HS3ST3B1: variants seen among roughly 807,000 people sequenced by gnomAD.
HS3ST3B1 encodes the protein heparan sulfate glucosamine 3-O-sulfotransferase 3B1.
Under a neutral mutation model 21.3 loss-of-function variants are expected in HS3ST3B1, and 13 were observed. The observed-to-expected ratio is 0.61, with a 90% CI of 0.40 to 0.97. The LOEUF is 0.97. HS3ST3B1 is among the 50% of genes least tolerant of loss of function. The pLI, the probability that HS3ST3B1 is intolerant of heterozygous loss-of-function variation, is 0.00. For missense variants in HS3ST3B1, 459 were observed against 554.8 expected (o/e 0.83, Z 1.73); for synonymous variants, 234 against 254.8 (o/e 0.92, Z 0.78).
At chr17:14,325,303 G>A (rs971589786) in intron 1 of HS3ST3B1, among the ~76,000 whole-genome samples, 1 of 152,230 alleles carries the variant, frequency 6.6e-6, no homozygotes, top group Admixed American at 6.5e-5. Flanking sequence ...TATACAATGA[G>A]TGTGTTAAAA....
chr17:14,333,087 G>A (rs1056245723), intron 1 of HS3ST3B1, among the ~76,000 whole-genome samples: 2 of 151,924 alleles, frequency 1.3e-5, no homozygotes, highest in Non-Finnish European at 2.9e-5. Context: ...CCCCAGAGGA[G>A]AAAATGATTG....
chr17:14,338,200 A>G (rs1161843015), intron 1 of HS3ST3B1, among the ~76,000 whole-genome samples: 2 of 151,790 alleles, frequency 1.3e-5, no homozygotes, highest in East Asian at 3.9e-4. Flanking sequence ...ATCTCAGCTC[A>G]CTGCAACCTC....
chr17:14,329,325 GAAAGAA>G lies in HS3ST3B1; in HGVS notation c.555-15701_555-15696del, dbSNP rs1255288950. Reference sequence around the variant, plus strand: ...AGAAAGAGAGAAAGAGAGAAAGAAAGAAAGAAAGAAAGAAAGAAAGAAAGAAAGAAA... The same window carrying G: ...AGAAAGAGAGAAAGAGAGAAAGAAAGAGAAAGAAAGAAAGAAAGAAAGAAA... On this transcript the variant is annotated intron_variant, in intron 1 of 1. Transcript: ENST00000360954. 156 of 98,526 alleles carry G rather than the reference GAAAGAA, an allele frequency of 1.6e-3. 1 individual carries two copies. The highest frequency in any genetic ancestry group is 6.2e-3 in the African/African-American group (148 of 24,042). 6.1% of individuals were successfully genotyped at this position (98,526 alleles called of 1,614,324 possible).
intron 1 of HS3ST3B1, among the ~76,000 whole-genome samples, chr17:14,338,573 G>C (rs757561422): frequency 2.6e-5 from 4 of 151,722 alleles, no homozygotes; most frequent in Non-Finnish European, 5.9e-5. Flanking sequence ...CTCCCAAGTA[G>C]CTGAGATTAC....
rs1480149990 is a variant in HS3ST3B1 at position 14,303,558 on chromosome 17, G to A, written c.554+1486G>A. Among the ~76,000 whole-genome samples the A allele has an allele frequency of 6.6e-6, 1 of 152,156 alleles. No individual in the cohort carries two copies. The highest frequency in any genetic ancestry group is 2.4e-5 in the African/African-American group (1 of 41,418). On this transcript the variant is annotated intron_variant, in intron 1 of 1. Transcript: ENST00000360954. The surrounding 1 kb of genome is among the most constrained non-coding windows in gnomAD (Gnocchi z 5.7). ...AAGAATGGGGTCTCTGGAGTCCGAC[G>A]CCTGGATTCACGTCCTGGCTAGTCG...
intron 1 of HS3ST3B1, among the ~76,000 whole-genome samples, chr17:14,343,367 A>T (rs1387567620): frequency 1.3e-5 from 2 of 152,238 alleles, no homozygotes; most frequent in African/African-American, 4.8e-5. Flanking sequence ...GAAGATTTGA[A>T]ATACACAACA....
chr17:14,340,879 G>A (rs1054311628), intron 1 of HS3ST3B1, among the ~76,000 whole-genome samples: 1 of 152,150 alleles, frequency 6.6e-6, no homozygotes, highest in Admixed American at 6.5e-5. Context: ...CACCAAGCCC[G>A]GCTGAGTAAT....
chr17:14,310,051 C>A (rs1480028883), intron 1 of HS3ST3B1, among the ~76,000 whole-genome samples: 36 of 152,330 alleles, frequency 2.4e-4, no homozygotes, highest in Non-Finnish European at 1.5e-5. Context: ...ATAATGGGTG[C>A]CTGTAAGGCG....
chr17:14,317,764 G>A (rs969254237), intron 1 of HS3ST3B1, among the ~76,000 whole-genome samples: 2 of 152,144 alleles, frequency 1.3e-5, no homozygotes, highest in East Asian at 1.9e-4. Flanking sequence ...ATTAAAGAGA[G>A]GGCTTTTATC....
intron 1 of HS3ST3B1, among the ~76,000 whole-genome samples, chr17:14,313,561 C>T (rs1014530840): frequency 6.6e-6 from 1 of 152,154 alleles, no homozygotes; most frequent in Non-Finnish European, 1.5e-5. Flanking sequence ...CCCAAGACTT[C>T]CCTCCGTCAT....
intron 1 of HS3ST3B1, among the ~76,000 whole-genome samples, chr17:14,331,280 A>G (rs1458850641): frequency 6.6e-6 from 1 of 152,028 alleles, no homozygotes; most frequent in Non-Finnish European, 1.5e-5. Flanking sequence ...ATTAGCTTTT[A>G]ATTGAAACCC....
intron 1 of HS3ST3B1, among the ~76,000 whole-genome samples, chr17:14,339,330 G>T (rs757030169): frequency 3.9e-5 from 6 of 152,150 alleles, no homozygotes; most frequent in Non-Finnish European, 7.3e-5. Context: ...ATTATGATCG[G>T]CAGTGATCTG....
intron 1 of HS3ST3B1, among the ~76,000 whole-genome samples, chr17:14,334,262 T>C (rs1910120531): frequency 7.0e-6 from 1 of 142,008 alleles, no homozygotes. Flanking sequence ...CCAGTGTTTT[T>C]TCATGGTTTT....
At chr17:14,313,297 C>A (rs993059457) in intron 1 of HS3ST3B1, among the ~76,000 whole-genome samples, 2 of 151,468 alleles carry the variant, frequency 1.3e-5, no homozygotes, top group African/African-American at 4.9e-5. Flanking sequence ...CTGATCTGGC[C>A]CACCCCAACT....
At chr17:14,339,325 G>C (rs1254245252) in intron 1 of HS3ST3B1, among the ~76,000 whole-genome samples, 1 of 152,124 alleles carries the variant, frequency 6.6e-6, no homozygotes, top group Non-Finnish European at 1.5e-5. Flanking sequence ...GAACAATTAT[G>C]ATCGGCAGTG....
At chr17:14,331,903 T>A (rs997096865) in intron 1 of HS3ST3B1, among the ~76,000 whole-genome samples, 1 of 151,928 alleles carries the variant, frequency 6.6e-6, no homozygotes, top group African/African-American at 2.4e-5. Flanking sequence ...AGATAAGGAG[T>A]GGCAGGGCTG....
intron 1 of HS3ST3B1, among the ~76,000 whole-genome samples, chr17:14,315,149 G>A (rs1475319985): frequency 6.6e-6 from 1 of 152,122 alleles, no homozygotes; most frequent in Admixed American, 6.5e-5. Flanking sequence ...GGATAGTCAG[G>A]TCACTCAGTC....
intron 1 of HS3ST3B1, chr17:14,329,141 A>G (rs1158895425): frequency 4.6e-5 from 7 of 151,986 alleles, no homozygotes; most frequent in Non-Finnish European, 1.0e-4. Flanking sequence ...CCAAACTCCT[A>G]GTGGTCCTGC....
At chr17:14,337,537 C>T (rs1381081259) in intron 1 of HS3ST3B1, among the ~76,000 whole-genome samples, 1 of 148,568 alleles carries the variant, frequency 6.7e-6, no homozygotes, top group African/African-American at 2.5e-5. Context: ...TGGGTTTCGT[C>T]ATGTTGGCCA....
Sources: gnomAD v4.1 joint callset for allele counts (sites outside exome capture counted in the v4.1 genomes callset) on GRCh38, gnomAD v4.1.1 for gene constraint, Gnocchi (gnomAD v3.1) non-coding constraint, MANE v1.5 for transcripts, NCBI Gene and HGNC (gene_info 2026-07-23, HGNC 2026-07-21) for gene names.